Variants in ZSCAN25 observed in about 807,000 individuals in gnomAD.
The protein encoded by ZSCAN25 is zinc finger and SCAN domain-containing protein 25.
In ZSCAN25, 27 loss-of-function variants were observed where a neutral mutation model predicts 38.7. The ratio of observed to expected loss-of-function variants is 0.70; its 90% CI spans 0.51 to 0.96. ZSCAN25 has a LOEUF of 0.96. Ranked by LOEUF, ZSCAN25 falls within the 40% of genes least tolerant of loss-of-function variation. The probability of loss-of-function intolerance (pLI) is 0.00; values close to 1 mark genes in which losing one functional copy is unlikely to be tolerated. For missense variants in ZSCAN25, 637 were observed against 705.9 expected (o/e 0.90, Z 1.11); for synonymous variants, 273 against 277.7 (o/e 0.98, Z 0.17).
chr7:99,724,761 C>T, the ZSCAN25 span, among the ~76,000 whole-genome samples: 5 of 152,192 alleles, frequency 3.3e-5, no homozygotes, highest in Admixed American at 3.3e-4. Flanking sequence ...AGTCAAGGTA[C>T]ATGTGCCTTT....
the ZSCAN25 span, chr7:99,660,544 G>T: frequency 6.8e-6 from 11 of 1,613,760 alleles, no homozygotes; most frequent in South Asian, 1.1e-4. Flanking sequence ...GTTTCTGCTG[G>T]ACATCAGGGT....
chr7:99,726,353 C>G, the ZSCAN25 span, among the ~76,000 whole-genome samples: 1 of 152,184 alleles, frequency 6.6e-6, no homozygotes, highest in Non-Finnish European at 1.5e-5. Context: ...CCTTATAATT[C>G]CCCCATCTTA....
the ZSCAN25 span, chr7:99,677,126 T>C: frequency 1.8e-5 from 17 of 966,310 alleles, no homozygotes; most frequent in Non-Finnish European, 2.0e-5. Context: ...TGGTGTTCAC[T>C]ATGGCAGGCC....
At chr7:99,667,537 G>A in the ZSCAN25 span, among the ~76,000 whole-genome samples, 4,476 of 152,222 alleles carry the variant, frequency 0.029, 214 homozygotes, top group African/African-American at 0.1. Flanking sequence ...TGAAAAGTAG[G>A]TAATACTTAA....
the ZSCAN25 span, chr7:99,666,602 C>G: frequency 6.2e-7 from 1 of 1,613,712 alleles, no homozygotes; most frequent in South Asian, 1.1e-5. Context: ...CCTACTTACT[C>G]TTTCAAGGTG....
At chr7:99,721,141 C>T in the ZSCAN25 span, among the ~76,000 whole-genome samples, 1 of 152,192 alleles carries the variant, frequency 6.6e-6, no homozygotes, top group Non-Finnish European at 1.5e-5. Flanking sequence ...AATCACAGTC[C>T]ATCAGCCCAC....
the ZSCAN25 span, chr7:99,672,467 G>T: frequency 1.1e-6 from 1 of 895,844 alleles, no homozygotes; most frequent in Non-Finnish European, 1.8e-6. Context: ...AAGAGTACAT[G>T]GAACCTTCCT....
At chr7:99,678,374 C>T in the ZSCAN25 span, among the ~76,000 whole-genome samples, 1 of 152,204 alleles carries the variant, frequency 6.6e-6, no homozygotes, top group Non-Finnish European at 1.5e-5. Context: ...ACCTGGAAGC[C>T]TTTGCTATCG....
the ZSCAN25 span, among the ~76,000 whole-genome samples, chr7:99,698,635 G>T: frequency 1.3e-5 from 2 of 151,652 alleles, no homozygotes; most frequent in Admixed American, 6.6e-5. Context: ...TATGTATATC[G>T]CAGTCTTGTC....
chr7:99,685,162 T>C, the ZSCAN25 span: 1 of 1,610,294 alleles, frequency 6.2e-7, no homozygotes, highest in Non-Finnish European at 8.5e-7. Flanking sequence ...TACGGTCCCA[T>C]CCCTTGACTC....
the ZSCAN25 span, among the ~76,000 whole-genome samples, chr7:99,725,200 A>G: frequency 1.3e-5 from 2 of 152,298 alleles, no homozygotes; most frequent in African/African-American, 4.8e-5. Context: ...CCCACTTAGC[A>G]CCTACCATTA....
chr7:99,692,687 C>A, the ZSCAN25 span, among the ~76,000 whole-genome samples: 4 of 152,070 alleles, frequency 2.6e-5, no homozygotes, highest in Non-Finnish European at 5.9e-5. Context: ...TTGATCGAAT[C>A]GGCTATTGAA....
the ZSCAN25 span, chr7:99,672,814 G>A: frequency 5.3e-6 from 8 of 1,501,658 alleles, no homozygotes; most frequent in South Asian, 6.7e-5. Context: ...GCAACCTTAG[G>A]TTCTAGTTCA....
the ZSCAN25 span, among the ~76,000 whole-genome samples, chr7:99,695,567 C>G: frequency 2.0e-5 from 3 of 152,150 alleles, no homozygotes; most frequent in South Asian, 6.2e-4. Context: ...CCTGAGGTTC[C>G]TGAGAGTTAG....
chr7:99,649,985 T>C, the ZSCAN25 span: 1 of 1,496,286 alleles, frequency 6.7e-7, no homozygotes, highest in South Asian at 1.2e-5. Flanking sequence ...GAATGAATTA[T>C]TAAAAGATAA....
intron 7 of ZSCAN25, among the ~76,000 whole-genome samples, chr7:99,624,770 G>A (rs774303171): frequency 9.2e-5 from 14 of 152,142 alleles, no homozygotes; most frequent in African/African-American, 1.4e-4. Context: ...CATTGTGTGT[G>A]ACAGCAGCTC....
chr7:99,724,509 T>C, the ZSCAN25 span, among the ~76,000 whole-genome samples: 5 of 152,060 alleles, frequency 3.3e-5, no homozygotes, highest in Non-Finnish European at 1.5e-5. Context: ...CACCCTAAGC[T>C]CTGAGTCCTT....
the ZSCAN25 span, among the ~76,000 whole-genome samples, chr7:99,723,424 A>T: frequency 6.6e-6 from 1 of 151,924 alleles, no homozygotes; most frequent in African/African-American, 2.4e-5. Flanking sequence ...GCAACTTTCC[A>T]CTGCTTACCC....
At chr7:99,669,503 ATT>A in the ZSCAN25 span, among the ~76,000 whole-genome samples, 1 of 152,230 alleles carries the variant, frequency 6.6e-6, no homozygotes, top group Non-Finnish European at 1.5e-5. Flanking sequence ...TGTGGTAGAT[ATT>A]ATTTGCCTTG....
Sources: gnomAD v4.1 joint callset for allele counts (sites outside exome capture counted in the v4.1 genomes callset) on GRCh38, gnomAD v4.1.1 for gene constraint, MANE v1.5 for transcripts, NCBI Gene and HGNC (gene_info 2026-07-23, HGNC 2026-07-21) for gene names.